Variants in PCDHGA1 observed in about 807,000 individuals in gnomAD.
PCDHGA1 encodes the protein protocadherin gamma-A1.
A neutral mutation model predicts 58.0 loss-of-function variants in PCDHGA1; 32 were observed. The observed-to-expected ratio is 0.55, with a 90% confidence interval of 0.42 to 0.74. The LOEUF (loss-of-function observed/expected upper bound fraction) is 0.74. Ranked by LOEUF, PCDHGA1 falls within the 30% of genes least tolerant of loss-of-function variation. The pLI, the probability that PCDHGA1 is intolerant of heterozygous loss-of-function variation, is 0.00. For missense variants in PCDHGA1, 1,205 were observed against 1,182.3 expected (o/e 1.02, Z -0.28); for synonymous variants, 498 against 501.1 (o/e 0.99, Z 0.08).
At chr5:141,370,902 T>A in intron 1 of PCDHGA1, 1 of 1,614,046 alleles carries the variant, frequency 6.2e-7, no homozygotes, top group South Asian at 1.1e-5. Flanking sequence ...GCTGCAGCAG[T>A]ACTACCTCAG....
chr5:141,357,274 T>C, intron 1 of PCDHGA1: 7 of 1,613,774 alleles, frequency 4.3e-6, no homozygotes, highest in Non-Finnish European at 5.1e-6. Context: ...CCTCACACTC[T>C]ATCTCGTGGT....
At position 141,409,348 on chromosome 5, in the gene PCDHGA1, C is replaced by T. The variant is rs115471135; in HGVS notation, c.2421+76243C>T. The T allele has an allele frequency of 4.7e-4, 755 of 1,614,018 alleles. 4 individuals carry two copies. The African/African-American group carries it at 8.3e-3, about 18-fold the overall frequency. On this transcript the variant is annotated intron_variant, in intron 1 of 3. Coordinates refer to ENST00000517417, the MANE Select transcript of PCDHGA1 (RefSeq NM_018912.3). Reference sequence around the variant, plus strand: ...TGGATTTCGGAGGAAATGGAGAAGTCAGGTGTAATATAGAAACAGACATTC... The same window carrying T: ...TGGATTTCGGAGGAAATGGAGAAGTTAGGTGTAATATAGAAACAGACATTC...
At chr5:141,363,097 G>A (rs182933962) in intron 1 of PCDHGA1, among the ~76,000 whole-genome samples, 161 of 152,360 alleles carry the variant, frequency 1.1e-3, no homozygotes, top group Admixed American at 1.8e-3. Context: ...CTAAAGGACA[G>A]GCAATGTTTG....
chr5:141,332,503 C>T lies in PCDHGA1; in HGVS notation c.1819C>T (p.Arg607Cys), dbSNP rs775407166. 2 of 1,612,912 alleles carry T rather than the reference C, an allele frequency of 1.2e-6. No individual in the cohort carries two copies. The highest frequency in any genetic ancestry group is 2.2e-5 in the East Asian group (1 of 44,866). ...DSGQNAWLSYRLLKASEPGLF... is the reference protein window; with the variant it reads ...DSGQNAWLSYCLLKASEPGLF... ...GGGCCAGAACGCCTGGCTGTCCTACCGCCTGCTCAAGGCCAGCGAGCCGGG... is the reference window on the plus strand; with the variant it reads ...GGGCCAGAACGCCTGGCTGTCCTACTGCCTGCTCAAGGCCAGCGAGCCGGG... The change falls in exon 1 of 4, where the codon CGC becomes TGC. Residue 607 changes from arginine to cysteine, a missense_variant. Arg to Cys is a radical substitution (Grantham distance 180). Coordinates refer to ENST00000517417, the MANE Select transcript of PCDHGA1 (RefSeq NM_018912.3). The surrounding 1 kb of genome is among the most constrained non-coding windows in gnomAD (Gnocchi z 4.6).
chr5:141,393,412 T>A (rs1382243931), intron 1 of PCDHGA1: 3 of 1,614,032 alleles, frequency 1.9e-6, no homozygotes, highest in South Asian at 1.1e-5. Flanking sequence ...GAGCGCGCCC[T>A]GGACAGGGAG....
intron 1 of PCDHGA1, chr5:141,374,156 G>A: frequency 6.2e-7 from 1 of 1,612,230 alleles, no homozygotes; most frequent in Non-Finnish European, 8.5e-7. Context: ...GACGCTGTGG[G>A]GGGCCGCGGC....
chr5:141,417,859 GAT>G, intron 1 of PCDHGA1: 1 of 1,548,208 alleles, frequency 6.5e-7, no homozygotes, highest in Middle Eastern at 1.7e-4. Context: ...CCGAGCGAAC[GAT>G]GGGAGGGAGC....
intron 1 of PCDHGA1, chr5:141,428,334 C>T: frequency 1.6e-6 from 1 of 618,848 alleles, no homozygotes; most frequent in Non-Finnish European, 2.9e-6. Flanking sequence ...TTTCTATGCT[C>T]TTCTTCCTCG....
chr5:141,502,694 G>A (rs1039264846), intron 2 of PCDHGA1, among the ~76,000 whole-genome samples: 5 of 152,180 alleles, frequency 3.3e-5, no homozygotes, highest in African/African-American at 1.2e-4. Flanking sequence ...ATCCTTGCCT[G>A]TATCTGTTTT....
Position 141,477,968 on chromosome 5 carries a change from C to T in PCDHGA1, c.2422-16839C>T. 6.2e-7 allele frequency: 1 copy of T among 1,614,140 alleles called. No individual in the cohort carries two copies. Among genetic ancestry groups the T allele is most frequent in the Non-Finnish European group, 8.5e-7 (1 of 1,180,042 alleles). The stretch of plus-strand genomic sequence containing the variant: ...TCTCTTGGGATCCCCTAACCAGAGC[C>T]TTTTTGCCATAGGGCTGCACACTGG... On this transcript the variant is annotated intron_variant, in intron 1 of 3. Transcript: ENST00000517417. The surrounding 1 kb of genome is among the most constrained non-coding windows in gnomAD (Gnocchi z 4.9).
At chr5:141,385,719 G>A (rs970031267) in intron 1 of PCDHGA1, 6 of 232,964 alleles carry the variant, frequency 2.6e-5, no homozygotes, top group Non-Finnish European at 3.6e-5. Context: ...ATATGTAAAA[G>A]GTTCTGAAAG....
chr5:141,409,882 G>A, intron 1 of PCDHGA1: 1 of 1,613,006 alleles, frequency 6.2e-7, no homozygotes, highest in Non-Finnish European at 8.5e-7. Context: ...ACAACGCACC[G>A]CGGGTGCTGT....
Position 141,374,740 on chromosome 5 carries a change from C to T in PCDHGA1, c.2421+41635C>T, listed in dbSNP as rs1337639511. On this transcript the variant is annotated intron_variant, in intron 1 of 3. Transcript: ENST00000517417. ...TCCTTACTGCCATGGATGGCGGCGA[C>T]CCTGTCCGCTCAAGCGTCGCCCAAA... 7 of 1,611,592 alleles carry T rather than the reference C, an allele frequency of 4.3e-6. No homozygotes were observed. In the South Asian group the frequency reaches 6.6e-5, roughly 15 times the overall value.
chr5:141,374,459 A>G (rs764751595), intron 1 of PCDHGA1: 2 of 1,613,448 alleles, frequency 1.2e-6, no homozygotes, highest in Non-Finnish European at 1.7e-6. Context: ...AATAGTGGAC[A>G]TTAATGACAA....
chr5:141,371,249 C>A, intron 1 of PCDHGA1: 1 of 1,613,988 alleles, frequency 6.2e-7, no homozygotes, highest in Admixed American at 1.7e-5. Flanking sequence ...TCAATATTGG[C>A]AAGGAAGTGA....
In PCDHGA1 at chr5:141,359,468, C is replaced by T. The variant is rs539474224; in HGVS notation, c.2421+26363C>T. On this transcript the variant is annotated intron_variant, in intron 1 of 3. Transcript: ENST00000517417. ...TTAGCAAATAACAATTTTGATTAAACAAATTGTTGTATATTCATATTACGG... is the reference window on the plus strand; with the variant it reads ...TTAGCAAATAACAATTTTGATTAAATAAATTGTTGTATATTCATATTACGG... 1.8e-4 allele frequency among the ~76,000 whole-genome samples: 27 copies of T among 150,682 alleles called. No homozygotes were observed. In the South Asian group the frequency reaches 4.9e-3, roughly 27 times the overall value.
intron 1 of PCDHGA1, chr5:141,420,078 C>T (rs764695314): frequency 6.2e-7 from 1 of 1,614,008 alleles, no homozygotes; most frequent in Non-Finnish European, 8.5e-7. Context: ...CCTGTGGGTC[C>T]CCCCAACTAC....
At chr5:141,406,189 C>G (rs1277183811) in intron 1 of PCDHGA1, among the ~76,000 whole-genome samples, 1 of 151,722 alleles carries the variant, frequency 6.6e-6, no homozygotes, top group Admixed American at 6.6e-5. Context: ...CCTCCCACCT[C>G]AGCCTTCACA....
intron 1 of PCDHGA1, chr5:141,375,627 A>T (rs1561569034): frequency 6.2e-7 from 1 of 1,614,066 alleles, no homozygotes; most frequent in Non-Finnish European, 8.5e-7. Flanking sequence ...GGGATTCTGT[A>T]CGCCCTGCGC....
Sources: allele counts gnomAD v4.1 joint callset (sites outside exome capture counted in the v4.1 genomes callset), GRCh38; gene constraint gnomAD v4.1.1; non-coding constraint Gnocchi (gnomAD v3.1); transcripts MANE v1.5; gene names NCBI Gene and HGNC (gene_info 2026-07-23, HGNC 2026-07-21).